Variants in DIP2C observed in about 807,000 individuals in gnomAD.
DIP2C encodes the protein disco-interacting protein 2 homolog C.
In DIP2C, 33 loss-of-function variants were observed where a neutral mutation model predicts 192.4. The ratio of observed to expected loss-of-function variants is 0.17; its 90% confidence interval spans 0.13 to 0.23. The LOEUF (loss-of-function observed/expected upper bound fraction) is 0.23. Ranked by LOEUF, DIP2C falls within the 10% of genes least tolerant of loss-of-function variation. DIP2C has a pLI of 1.00. For missense variants in DIP2C, 1,537 were observed against 2,110.1 expected (o/e 0.73, Z 5.32); for synonymous variants, 979 against 864.1 (o/e 1.13, Z -2.33).
rs538129605 is a variant in DIP2C, at chr10:542,897, T to C, written c.86-56367A>G. On this transcript the variant is annotated intron_variant, in intron 1 of 36. Transcript: ENST00000280886. ...TCTTACGGGATTGGGGAGTGGGGGG[T>C]TCTGACCCTGCCTCTCTATATACCA... Among the ~76,000 whole-genome samples the C allele has an allele frequency of 6.6e-5, 10 of 151,998 alleles. No individual in the cohort carries two copies. The East Asian group carries it at 1.9e-3, about 29-fold the overall frequency.
intron 1 of DIP2C, among the ~76,000 whole-genome samples, chr10:514,514 C>A (rs1003055470): frequency 6.6e-6 from 1 of 152,220 alleles, no homozygotes; most frequent in Non-Finnish European, 1.5e-5. Flanking sequence ...GCAGCCAAGT[C>A]CAGGCTGTCT....
chr10:479,274 A>G (rs1376782598), intron 2 of DIP2C, among the ~76,000 whole-genome samples: 1 of 149,662 alleles, frequency 6.7e-6, no homozygotes, highest in African/African-American at 2.5e-5. Flanking sequence ...ATACAATGGT[A>G]AGACTGAAAT....
chr10:623,007 A>G (rs1160565639), intron 1 of DIP2C, among the ~76,000 whole-genome samples: 1 of 152,238 alleles, frequency 6.6e-6, no homozygotes, highest in African/African-American at 2.4e-5. Flanking sequence ...CCAATTCTAC[A>G]GCGCAAAGCA....
At chr10:432,641 A>G (rs1310747241) in intron 4 of DIP2C, among the ~76,000 whole-genome samples, 1 of 151,230 alleles carries the variant, frequency 6.6e-6, no homozygotes. Flanking sequence ...TTCTCTACTG[A>G]TTTTCTGTTT....
chr10:441,946 C>T (rs1366263561), intron 3 of DIP2C, among the ~76,000 whole-genome samples: 2 of 66,778 alleles, frequency 3.0e-5, no homozygotes, highest in African/African-American at 6.5e-5. Flanking sequence ...AGGTGACAGA[C>T]GGGGTAGAGA....
rs1348200230 is a variant in DIP2C at position 467,917 on chromosome 10, T to C, written c.268+4522A>G. ...TGTATACGTATGTAACAAACCTGCATGTTCTGCACATGTACTCCAGAACTT... is the reference window on the plus strand; with the variant it reads ...TGTATACGTATGTAACAAACCTGCACGTTCTGCACATGTACTCCAGAACTT... On this transcript the variant is annotated intron_variant, in intron 3 of 36. Transcript: ENST00000280886. 1.3e-5 allele frequency among the ~76,000 whole-genome samples: 2 copies of C among 152,170 alleles called. 1 individual carries two copies. The highest frequency in any genetic ancestry group is 2.9e-5 in the Non-Finnish European group (2 of 68,042).
At chr10:406,819 T>G (rs1358896575) in intron 9 of DIP2C, among the ~76,000 whole-genome samples, 2 of 152,124 alleles carry the variant, frequency 1.3e-5, no homozygotes, top group Admixed American at 1.3e-4. Flanking sequence ...ATCACTATCA[T>G]AAAACCTAAG....
intron 14 of DIP2C, among the ~76,000 whole-genome samples, chr10:386,236 T>G (rs1280345848): frequency 1.3e-5 from 2 of 151,888 alleles, no homozygotes; most frequent in Non-Finnish European, 2.9e-5. Flanking sequence ...GTAGGTGGAG[T>G]GAGTGCTTCA....
At chr10:672,423 C>G (rs1389132761) in intron 1 of DIP2C, among the ~76,000 whole-genome samples, 1 of 152,256 alleles carries the variant, frequency 6.6e-6, no homozygotes, top group Non-Finnish European at 1.5e-5. Flanking sequence ...TAGGGACTCC[C>G]CGCCCCAGAG....
chr10:686,785 G>A (rs1416780925), intron 1 of DIP2C, among the ~76,000 whole-genome samples: 1 of 152,272 alleles, frequency 6.6e-6, no homozygotes, highest in African/African-American at 2.4e-5. Context: ...AAGTGCCCCT[G>A]CAGCCCTGCA....
intron 14 of DIP2C, among the ~76,000 whole-genome samples, chr10:384,865 C>T (rs1476495921): frequency 1.3e-5 from 2 of 151,528 alleles, no homozygotes; most frequent in African/African-American, 4.9e-5. Flanking sequence ...GTGCCATGGA[C>T]ACCAGACTGC....
intron 1 of DIP2C, among the ~76,000 whole-genome samples, chr10:557,090 G>A (rs1056080351): frequency 2.6e-5 from 4 of 152,210 alleles, no homozygotes; most frequent in Admixed American, 6.5e-5. Flanking sequence ...CACGGGACAC[G>A]GCCAGGAGAC....
At chr10:569,961 A>G (rs1588481951) in intron 1 of DIP2C, among the ~76,000 whole-genome samples, 1 of 152,206 alleles carries the variant, frequency 6.6e-6, no homozygotes, top group Admixed American at 6.5e-5. Flanking sequence ...AAGTCCTCTC[A>G]GCCTTCCCCC....
chr10:354,973 C>G (rs915333682), intron 24 of DIP2C, among the ~76,000 whole-genome samples: 1 of 151,742 alleles, frequency 6.6e-6, no homozygotes, highest in South Asian at 2.1e-4. Flanking sequence ...ACCTGGCGAT[C>G]GGGTTAGCAA....
In DIP2C at chr10:626,226, T is replaced by C. The variant is rs1854192376; in HGVS notation, c.85+63268A>G. Reference sequence around the variant, plus strand: ...GACAGTCAGGGTCTCACTGTCCAGATGGGAAACTGGGGCGGAAACACCAGG... The same window carrying C: ...GACAGTCAGGGTCTCACTGTCCAGACGGGAAACTGGGGCGGAAACACCAGG... On this transcript the variant is annotated intron_variant, in intron 1 of 36. Transcript: ENST00000280886. 1.3e-5 allele frequency among the ~76,000 whole-genome samples: 2 copies of C among 152,262 alleles called. 1 individual carries two copies. The highest frequency in any genetic ancestry group is 1.3e-4 in the Admixed American group (2 of 15,300).
intron 1 of DIP2C, among the ~76,000 whole-genome samples, chr10:579,951 TGAATAAAG>T (rs1191822122): frequency 2.0e-5 from 3 of 151,680 alleles, no homozygotes; most frequent in African/African-American, 7.3e-5. Context: ...TGTATGTACA[TGAATAAAG>T]CACAGCCATA....
intron 1 of DIP2C, among the ~76,000 whole-genome samples, chr10:618,505 G>A (rs1186565971): frequency 1.3e-5 from 2 of 152,198 alleles, no homozygotes; most frequent in Admixed American, 6.5e-5. Flanking sequence ...ACGAGCAGGC[G>A]CCCACCATGC....
chr10:615,692 ACATCCATGCCT>A (rs985083888), intron 1 of DIP2C, among the ~76,000 whole-genome samples: 1 of 152,166 alleles, frequency 6.6e-6, no homozygotes, highest in African/African-American at 2.4e-5. Context: ...GACAGATGAC[ACATCCATGCCT>A]CATCCATGGC....
At position 369,413 on chromosome 10, in the gene DIP2C, T is replaced by C. The variant is rs754148420; in HGVS notation, c.2131+81A>G. 73 of 1,455,264 alleles carry C rather than the reference T, an allele frequency of 5.0e-5. No homozygotes were observed. The African/African-American group carries it at 6.6e-4, about 13-fold the overall frequency. 90.1% of individuals were successfully genotyped at this position (1,455,264 alleles called of 1,614,324 possible). On this transcript the variant is annotated intron_variant, in intron 18 of 36. Coordinates refer to ENST00000280886, the MANE Select transcript of DIP2C (RefSeq NM_014974.3). ...GGCACACCACGGGAACGCGGGAACGTGGGAACGCAGGCTTTGGTGACATGT... is the reference window on the plus strand; with the variant it reads ...GGCACACCACGGGAACGCGGGAACGCGGGAACGCAGGCTTTGGTGACATGT...
Sources: allele counts gnomAD v4.1 joint callset (sites outside exome capture counted in the v4.1 genomes callset), GRCh38; gene constraint gnomAD v4.1.1; transcripts MANE v1.5; gene names NCBI Gene and HGNC (gene_info 2026-07-23, HGNC 2026-07-21).